The following TMEM132D variants were observed in gnomAD, a reference collection of about 807,000 sequenced individuals.
TMEM132D encodes mature OL transmembrane protein.
TMEM132D carries 21 observed loss-of-function variants against 62.3 expected under a neutral mutation model. The observed-to-expected ratio is 0.34, with a 90% CI of 0.24 to 0.49. The LOEUF (loss-of-function observed/expected upper bound fraction) is 0.49, where lower values mean the gene tolerates loss of function less well. TMEM132D is among the 20% of genes least tolerant of loss of function. TMEM132D has a pLI of 0.99. For synonymous variants in TMEM132D, 621 were observed against 575.6 expected (o/e 1.08, Z -1.13); for missense variants, 1,346 against 1,402.8 (o/e 0.96, Z 0.65).
At chr12:129,793,483 C>T (rs2137300271) in intron 1 of TMEM132D, among the ~76,000 whole-genome samples, 1 of 152,146 alleles carries the variant, frequency 6.6e-6, no homozygotes, top group South Asian at 2.1e-4. Flanking sequence ...GCGATCCTCC[C>T]ACCACCTCAA....
chr12:129,398,293 T>TTTTC (rs1279375065), intron 3 of TMEM132D, among the ~76,000 whole-genome samples: 2 of 152,220 alleles, frequency 1.3e-5, no homozygotes, highest in Non-Finnish European at 2.9e-5. Flanking sequence ...CTTTAGTGCC[T>TTTTC]GTTTTCCTCC....
intron 3 of TMEM132D, among the ~76,000 whole-genome samples, chr12:129,520,144 A>ATGTATGTTCT: frequency 6.6e-6 from 1 of 152,168 alleles, no homozygotes; most frequent in Non-Finnish European, 1.5e-5. Flanking sequence ...TGGGTGTTTA[A>ATGTATGTTCT]GCAGAACAGA....
At chr12:129,207,085 C>T (rs977247723) in intron 5 of TMEM132D, among the ~76,000 whole-genome samples, 8 of 152,052 alleles carry the variant, frequency 5.3e-5, no homozygotes, top group African/African-American at 1.9e-4. Context: ...CAAACCTGTA[C>T]GTGTACCCCC....
intron 4 of TMEM132D, among the ~76,000 whole-genome samples, chr12:129,228,766 A>T (rs996645335): frequency 1.3e-5 from 2 of 152,218 alleles, no homozygotes; most frequent in Non-Finnish European, 2.9e-5. Context: ...ACAAAAATCA[A>T]TTCCGATGCT....
intron 4 of TMEM132D, among the ~76,000 whole-genome samples, chr12:129,233,751 T>C (rs1879708480): frequency 1.3e-5 from 2 of 152,218 alleles, no homozygotes; most frequent in African/African-American, 2.4e-5. Context: ...CTCAGCCTCC[T>C]GAGTAGCTGG....
chr12:129,325,605 G>A (rs1868881970), intron 4 of TMEM132D, among the ~76,000 whole-genome samples: 1 of 152,150 alleles, frequency 6.6e-6, no homozygotes, highest in South Asian at 2.1e-4. Flanking sequence ...CATAAAACCT[G>A]AAATATGAAC....
chr12:129,156,170 C>A (rs1336204690), intron 5 of TMEM132D, among the ~76,000 whole-genome samples: 1 of 149,798 alleles, frequency 6.7e-6, no homozygotes, highest in Non-Finnish European at 1.5e-5. Flanking sequence ...TATAAACCAA[C>A]CTATTCCCAA....
At chr12:129,381,321 G>A (rs1217921149) in intron 3 of TMEM132D, among the ~76,000 whole-genome samples, 1 of 152,104 alleles carries the variant, frequency 6.6e-6, no homozygotes, top group African/African-American at 2.4e-5. Flanking sequence ...ATAAAACCTA[G>A]AAAAAGAGGG....
chr12:129,517,983 T>A (rs1875732281), intron 3 of TMEM132D, among the ~76,000 whole-genome samples: 1 of 152,210 alleles, frequency 6.6e-6, no homozygotes, highest in African/African-American at 2.4e-5. Context: ...GGATTCATTC[T>A]AATTTACCTG....
At chr12:129,791,182 G>C (rs995905156) in intron 1 of TMEM132D, among the ~76,000 whole-genome samples, 4 of 152,158 alleles carry the variant, frequency 2.6e-5, no homozygotes, top group African/African-American at 9.7e-5. Flanking sequence ...GTCAGAGGCA[G>C]GGCAGACAAG....
intron 4 of TMEM132D, among the ~76,000 whole-genome samples, chr12:129,222,448 C>T (rs10773620): frequency 0.32 from 49,097 of 151,926 alleles, 8,176 homozygotes; most frequent in Middle Eastern, 0.42. Flanking sequence ...TAAAGGTCTT[C>T]CCCCATATAT....
intron 3 of TMEM132D, among the ~76,000 whole-genome samples, chr12:129,408,333 G>C (rs1871857276): frequency 6.6e-6 from 1 of 152,042 alleles, no homozygotes; most frequent in South Asian, 2.1e-4. Flanking sequence ...AACCCTGCTA[G>C]AATTTTTTAA....
rs1187188540 is a variant in TMEM132D, at chr12:129,073,418, G to C, written c.*457C>G. 6.5e-6 allele frequency: 1 copy of C among 154,674 alleles called. No individual in the cohort carries two copies. Among genetic ancestry groups the C allele is most frequent in the East Asian group, 1.9e-4 (1 of 5,196 alleles). 9.6% of individuals were successfully genotyped at this position (154,674 alleles called of 1,614,324 possible). ...GATCGCGCTCACAGCAAGATGTGCT[G>C]CTCCAGTTTCGATGACACGCTTCCT... On this transcript the variant is annotated 3_prime_UTR_variant, in exon 9 of 9. Coordinates refer to ENST00000422113, the MANE Select transcript of TMEM132D (RefSeq NM_133448.3).
intron 1 of TMEM132D, among the ~76,000 whole-genome samples, chr12:129,861,296 C>T (rs1873888627): frequency 6.6e-6 from 1 of 152,164 alleles, no homozygotes; most frequent in Non-Finnish European, 1.5e-5. Flanking sequence ...TCCAAAACTG[C>T]CCTTGGTTAC....
intron 1 of TMEM132D, among the ~76,000 whole-genome samples, chr12:129,816,948 A>T (rs1287194178): frequency 1.3e-5 from 2 of 152,248 alleles, no homozygotes; most frequent in Non-Finnish European, 2.9e-5. Flanking sequence ...TCAAATAATG[A>T]GTCAGCTCTT....
intron 5 of TMEM132D, among the ~76,000 whole-genome samples, chr12:129,164,682 T>C (rs1008659096): frequency 2.6e-5 from 4 of 152,024 alleles, no homozygotes; most frequent in African/African-American, 7.2e-5. Context: ...AAGTGCTGAG[T>C]GAAGGGGAAA....
chr12:129,805,268 A>AT (rs1871941631), intron 1 of TMEM132D, among the ~76,000 whole-genome samples: 1 of 152,142 alleles, frequency 6.6e-6, no homozygotes, highest in African/African-American at 2.4e-5. Context: ...AGCTGGAGCC[A>AT]TCATGCTACC....
chr12:129,622,220 C>A (rs1879091518), intron 2 of TMEM132D, among the ~76,000 whole-genome samples: 1 of 152,190 alleles, frequency 6.6e-6, no homozygotes, highest in African/African-American at 2.4e-5. Context: ...CAAGAGTCCA[C>A]AAGCCCCACT....
At chr12:129,743,493 G>GT (rs749465253) in intron 1 of TMEM132D, among the ~76,000 whole-genome samples, 1 of 152,156 alleles carries the variant, frequency 6.6e-6, no homozygotes. Flanking sequence ...TGCCATGGTT[G>GT]TAAGTTTCCT....
Sources: gnomAD v4.1 joint callset for allele counts (sites outside exome capture counted in the v4.1 genomes callset) on GRCh38, gnomAD v4.1.1 for gene constraint, MANE v1.5 for transcripts, NCBI Gene and HGNC (gene_info 2026-07-23, HGNC 2026-07-21) for gene names.